Variants in CNNM1 observed in about 807,000 individuals in gnomAD.
CNNM1 encodes the protein metal transporter CNNM1.
In CNNM1, 44 loss-of-function variants were observed where a neutral mutation model predicts 78.8. The observed-to-expected ratio is 0.56, with a 90% CI of 0.44 to 0.72. The LOEUF (loss-of-function observed/expected upper bound fraction) is 0.72. CNNM1 is among the 30% of genes least tolerant of loss of function. CNNM1 has a pLI of 0.00. For missense variants in CNNM1, 1,101 were observed against 1,292.2 expected (o/e 0.85, Z 2.27); for synonymous variants, 584 against 581.5 (o/e 1.00, Z -0.06).
Position 99,334,466 on chromosome 10 carries a change from A to G in CNNM1, c.1573+3506A>G, listed in dbSNP as rs192463019. 2.6e-4 allele frequency among the ~76,000 whole-genome samples: 40 copies of G among 152,280 alleles called. No individual in the cohort carries two copies. The East Asian group carries it at 5.6e-3, about 21-fold the overall frequency. ...TCAGGAGTTCGTGACCAGCTTGGCC[A>G]ACATGGTGAAACCCCATCTCTACTA... On this transcript the variant is annotated intron_variant, in intron 1 of 10. Coordinates refer to ENST00000356713, the MANE Select transcript of CNNM1 (RefSeq NM_020348.3).
intron 6 of CNNM1, among the ~76,000 whole-genome samples, chr10:99,375,914 G>A (rs768358715): frequency 2.0e-5 from 3 of 152,138 alleles, no homozygotes; most frequent in South Asian, 2.1e-4. Context: ...AGTCACCTTC[G>A]GTATCCTGTT....
At chr10:99,372,047 T>A (rs1014710976) in intron 6 of CNNM1, among the ~76,000 whole-genome samples, 1 of 152,196 alleles carries the variant, frequency 6.6e-6, no homozygotes, top group African/African-American at 2.4e-5. Flanking sequence ...TGGGGTCTGA[T>A]TCCAGGATAG....
At chr10:99,387,769 C>G in intron 7 of CNNM1, 51 bp from the exon 8 acceptor site, 4 of 1,504,870 alleles carry the variant, frequency 2.7e-6, no homozygotes, top group Non-Finnish European at 2.7e-6. Flanking sequence ...CTGGCTGCAT[C>G]CGGGTGGTCT....
chr10:99,350,200 A>G (rs2030885144), intron 1 of CNNM1, among the ~76,000 whole-genome samples: 1 of 152,204 alleles, frequency 6.6e-6, no homozygotes, highest in South Asian at 2.1e-4. Flanking sequence ...GAGACACTCA[A>G]TGCTGTCTAC....
intron 1 of CNNM1, among the ~76,000 whole-genome samples, chr10:99,356,487 AGAGAGAG>A (rs2031153905): frequency 2.2e-4 from 1 of 4,588 alleles, no homozygotes; most frequent in East Asian, 7.2e-3. Context: ...AAAGAAAGAA[AGAGAGAG>A]AGAGAGAGAG....
chr10:99,358,727 A>T (rs1414270282), intron 2 of CNNM1, among the ~76,000 whole-genome samples: 2 of 152,096 alleles, frequency 1.3e-5, no homozygotes, highest in African/African-American at 4.8e-5. Flanking sequence ...TCTTCCTCAC[A>T]TGAGGAACGA....
At chr10:99,382,665 G>A (rs1307836247) in intron 7 of CNNM1, among the ~76,000 whole-genome samples, 1 of 152,206 alleles carries the variant, frequency 6.6e-6, no homozygotes, top group African/African-American at 2.4e-5. Flanking sequence ...TACTTGGGAG[G>A]CTGAGGCAGG....
intron 7 of CNNM1, among the ~76,000 whole-genome samples, chr10:99,378,642 G>T (rs1456012649): frequency 6.6e-6 from 1 of 152,214 alleles, no homozygotes; most frequent in African/African-American, 2.4e-5. Context: ...GCAGTAAACT[G>T]TGCAAGGCAC....
At chr10:99,336,680 G>A (rs1462540025) in intron 1 of CNNM1, among the ~76,000 whole-genome samples, 1 of 152,162 alleles carries the variant, frequency 6.6e-6, no homozygotes, top group Non-Finnish European at 1.5e-5. Context: ...AAGAACATAA[G>A]ATTTGGCCAG....
At chr10:99,373,753 T>C (rs1231949915) in intron 6 of CNNM1, among the ~76,000 whole-genome samples, 2 of 152,066 alleles carry the variant, frequency 1.3e-5, no homozygotes, top group African/African-American at 4.8e-5. Context: ...TATTTCCCTA[T>C]GTCCACTTGT....
intron 9 of CNNM1, 63 bp downstream of exon 9, chr10:99,388,364 G>A (rs1238397480): frequency 1.9e-6 from 3 of 1,555,144 alleles, no homozygotes; most frequent in Middle Eastern, 2.1e-4. Flanking sequence ...CACTGGGATG[G>A]CCCAGGGAAA....
Position 99,362,236 on chromosome 10 carries a change from C to G in CNNM1, c.1868C>G (p.Pro623Arg), listed in dbSNP as rs1418901546. ...THRFMATEVE[P>R]FKSLYLSEKI... Reference sequence around the variant, plus strand: ...ACTCACTCTCCTCTAGAAGTGGAGCCCTTTAAGTCTCTGTACCTTTCGGAG... The same window carrying G: ...ACTCACTCTCCTCTAGAAGTGGAGCGCTTTAAGTCTCTGTACCTTTCGGAG... Residue 623 changes from proline (P) to arginine (R), a missense_variant, in exon 4 of 11, where the codon CCC becomes CGC. Coordinates refer to ENST00000356713, the MANE Select transcript of CNNM1 (RefSeq NM_020348.3). 7.4e-6 allele frequency: 12 copies of G among 1,611,244 alleles called. No individual in the cohort carries two copies. Among genetic ancestry groups the G allele is most frequent in the Non-Finnish European group, 8.5e-6 (10 of 1,178,844 alleles).
intron 1 of CNNM1, among the ~76,000 whole-genome samples, chr10:99,335,023 C>T (rs916323590): frequency 6.6e-6 from 1 of 152,206 alleles, no homozygotes; most frequent in Admixed American, 6.5e-5. Context: ...TGTTCTTTCC[C>T]TGCTACACCT....
chr10:99,368,993 T>A (rs997608936), intron 6 of CNNM1, among the ~76,000 whole-genome samples: 1 of 152,224 alleles, frequency 6.6e-6, no homozygotes, highest in African/African-American at 2.4e-5. Context: ...GAGTACAGCA[T>A]GAATGAAGTA....
chr10:99,364,898 A>G (rs2031561047), intron 5 of CNNM1, 57 bp from the exon 6 acceptor site: 10 of 1,540,090 alleles, frequency 6.5e-6, no homozygotes, highest in African/African-American at 2.7e-5. Context: ...GAAGATTCCC[A>G]TAAGAAGTGT....
At chr10:99,369,152 CA>C (rs1434491102) in intron 6 of CNNM1, among the ~76,000 whole-genome samples, 1 of 152,212 alleles carries the variant, frequency 6.6e-6, no homozygotes, top group Non-Finnish European at 1.5e-5. Context: ...GTAAAACTTT[CA>C]AAACAACTTT....
chr10:99,359,637 A>C (rs2031357473), intron 2 of CNNM1, among the ~76,000 whole-genome samples: 1 of 152,014 alleles, frequency 6.6e-6, no homozygotes, highest in Admixed American at 6.5e-5. Context: ...CTAGAAGGAA[A>C]CCCAAAAGCA....
chr10:99,362,933 C>T (rs2031489754), intron 4 of CNNM1, among the ~76,000 whole-genome samples: 1 of 152,112 alleles, frequency 6.6e-6, no homozygotes, highest in Non-Finnish European at 1.5e-5. Context: ...CTTCAGAGGA[C>T]CAGGAAGGGG....
chr10:99,367,987 T>A (rs1441635909), intron 6 of CNNM1, among the ~76,000 whole-genome samples: 1 of 152,190 alleles, frequency 6.6e-6, no homozygotes, highest in African/African-American at 2.4e-5. Flanking sequence ...GGACCACTGG[T>A]ACTTACCACA....
Sources: gnomAD v4.1 joint callset for allele counts (sites outside exome capture counted in the v4.1 genomes callset) on GRCh38, gnomAD v4.1.1 for gene constraint, MANE v1.5 for transcripts, NCBI Gene and HGNC (gene_info 2026-07-23, HGNC 2026-07-21) for gene names.